Variants in CHL1 observed in about 807,000 individuals in gnomAD.
CHL1 encodes neural cell adhesion molecule L1-like protein.
Under a neutral mutation model 141.9 loss-of-function variants are expected in CHL1, and 96 were observed. The ratio of observed to expected loss-of-function variants is 0.68; its 90% CI spans 0.57 to 0.80. CHL1 has a LOEUF of 0.80. CHL1 is among the 30% of genes least tolerant of loss of function. The pLI is 0.00. For synonymous variants in CHL1, 613 were observed against 502.2 expected, an observed-to-expected ratio of 1.22 and a Z score of -2.95; for missense variants, 1,820 against 1,457.2, an observed-to-expected ratio of 1.25 and a Z score of -4.05.
intron 1 of CHL1, among the ~76,000 whole-genome samples, chr3:243,065 C>A (rs958253078): frequency 9.9e-5 from 15 of 152,092 alleles, no homozygotes; most frequent in African/African-American, 3.4e-4. Flanking sequence ...AAAAGTGGTA[C>A]CATGGCTGTA....
Position 360,390 on chromosome 3 carries a change from A to G in CHL1, c.1272A>G (p.Gly424=). Residue 424 remains glycine, a synonymous_variant, in exon 12 of 28, where the codon GGA becomes GGG. Transcript: ENST00000256509. ...VYQCEASNVH[G]TILANANIDV... ...AGTGTGAAGCCTCAAATGTCCATGG[A>G]ACTATCCTTGCCAATGCCAATATTG... 6.2e-7 allele frequency: 1 copy of G among 1,613,830 alleles called. No homozygotes were observed. The highest frequency in any genetic ancestry group is 8.5e-7 in the Non-Finnish European group (1 of 1,179,826).
intron 2 of CHL1, among the ~76,000 whole-genome samples, chr3:301,910 GC>G (rs1241832840): frequency 1.3e-5 from 2 of 151,980 alleles, no homozygotes; most frequent in Non-Finnish European, 2.9e-5. Flanking sequence ...GCACCGCACC[GC>G]CAACAGGCCC....
intron 11 of CHL1, among the ~76,000 whole-genome samples, chr3:359,974 T>C (rs1262169252): frequency 2.6e-5 from 4 of 152,164 alleles, no homozygotes; most frequent in South Asian, 4.1e-4. Context: ...CACTTCATCA[T>C]AGGTCTTGAA....
intron 5 of CHL1, among the ~76,000 whole-genome samples, chr3:333,124 A>ATTTTTTGTTTTTTTTTTTTTTTTTTTT (rs1701577120): frequency 1.2e-5 from 1 of 83,312 alleles, no homozygotes; most frequent in African/African-American, 4.6e-5. Flanking sequence ...TAATTGCTCT[A>ATTTTTTGTTTTTTTTTTTTTTTTTTTT]TTTTTTTTAT....
chr3:386,889 G>A (rs9826179), intron 19 of CHL1, among the ~76,000 whole-genome samples: 1,813 of 152,184 alleles, frequency 0.012, 45 homozygotes, highest in African/African-American at 0.041. Flanking sequence ...GAGAGACTAG[G>A]TTTTAAGTGT....
chr3:389,616 A>G, intron 20 of CHL1, 142 bp downstream of exon 20: 1 of 644,518 alleles, frequency 1.6e-6, no homozygotes, highest in South Asian at 1.9e-5. Flanking sequence ...CAAATATAAC[A>G]CATGACTTCT....
At chr3:363,105 G>GT (rs1704447103) in intron 13 of CHL1, 112 bp from the exon 14 acceptor site, 1 of 837,044 alleles carries the variant, frequency 1.2e-6, no homozygotes, top group Non-Finnish European at 1.8e-6. Flanking sequence ...ATTTCATGAG[G>GT]TTTTCTGAGC....
chr3:343,616 G>C lies in CHL1; in HGVS notation c.727+585G>C, dbSNP rs773804712. Among the ~76,000 whole-genome samples, 13 of 152,262 alleles carry C rather than the reference G, an allele frequency of 8.5e-5. No homozygotes were observed. The South Asian group carries it at 1.5e-3, about 17-fold the overall frequency. ...TGAGTAAATCTGAGTTGTATAGCAG[G>C]CTAGTTCTCTATAATGAGAAGAGTC... On this transcript the variant is annotated intron_variant, in intron 8 of 27. Transcript: ENST00000256509.
At chr3:267,143 C>T (rs1397774159) in intron 2 of CHL1, among the ~76,000 whole-genome samples, 2 of 152,186 alleles carry the variant, frequency 1.3e-5, no homozygotes, top group Admixed American at 6.5e-5. Flanking sequence ...TGTGCTCTTT[C>T]ACAGTACACC....
At chr3:307,397 T>C (rs1257758541) in intron 2 of CHL1, among the ~76,000 whole-genome samples, 2 of 152,194 alleles carry the variant, frequency 1.3e-5, no homozygotes, top group African/African-American at 4.8e-5. Flanking sequence ...TGTTAAACCT[T>C]TGAGGCATTG....
chr3:233,095 G>A (rs1281118836), intron 1 of CHL1, among the ~76,000 whole-genome samples: 2 of 151,700 alleles, frequency 1.3e-5, no homozygotes, highest in Non-Finnish European at 1.5e-5. Context: ...ATACCAAACT[G>A]GAGTTATCTT....
At chr3:341,050 A>G (rs1253138728) in intron 6 of CHL1, 134 bp downstream of exon 6, 1 of 892,904 alleles carries the variant, frequency 1.1e-6, no homozygotes, top group Non-Finnish European at 1.7e-6. Context: ...AGGAGATGCT[A>G]CTAATATGAT....
intron 1 of CHL1, among the ~76,000 whole-genome samples, chr3:242,466 G>T (rs1288543312): frequency 6.7e-6 from 1 of 148,436 alleles, no homozygotes. Flanking sequence ...CGTGGTGGTG[G>T]GCGCCTGTAG....
intron 1 of CHL1, among the ~76,000 whole-genome samples, chr3:217,100 G>A (rs1700386080): frequency 6.6e-6 from 1 of 151,984 alleles, no homozygotes; most frequent in Non-Finnish European, 1.5e-5. Flanking sequence ...TGTGCATTGG[G>A]GAAGAAATTA....
chr3:339,428 T>G (rs1292984010), intron 5 of CHL1, among the ~76,000 whole-genome samples: 2 of 152,230 alleles, frequency 1.3e-5, no homozygotes, highest in Admixed American at 1.3e-4. Context: ...AAAATGTGAT[T>G]CAAAGATGGT....
intron 9 of CHL1, among the ~76,000 whole-genome samples, chr3:346,248 T>A (rs1163780915): frequency 6.6e-6 from 1 of 152,210 alleles, no homozygotes; most frequent in Admixed American, 6.5e-5. Flanking sequence ...CAACTCCCAA[T>A]GTGTATTTAC....
intron 2 of CHL1, among the ~76,000 whole-genome samples, chr3:282,126 C>T (rs1696716462): frequency 6.6e-6 from 1 of 151,892 alleles, no homozygotes; most frequent in South Asian, 2.1e-4. Context: ...ATTTTATTAC[C>T]TTGTTTCTTT....
intron 15 of CHL1, among the ~76,000 whole-genome samples, chr3:375,260 G>A (rs3773383): frequency 0.3 from 45,767 of 151,836 alleles, 7,036 homozygotes; most frequent in South Asian, 0.41. Context: ...GCTTAACAAA[G>A]GTAATGGGGA....
At chr3:310,600 T>C (rs926689634) in intron 2 of CHL1, among the ~76,000 whole-genome samples, 10 of 152,218 alleles carry the variant, frequency 6.6e-5, no homozygotes, top group Non-Finnish European at 1.5e-4. Context: ...TAGTGTTGTT[T>C]TAGGTTCACA....
Sources: allele counts gnomAD v4.1 joint callset (sites outside exome capture counted in the v4.1 genomes callset), GRCh38; gene constraint gnomAD v4.1.1; transcripts MANE v1.5; gene names NCBI Gene and HGNC (gene_info 2026-07-23, HGNC 2026-07-21).